The following CABIN1 variants were observed in gnomAD, a reference collection of about 807,000 sequenced individuals.
CABIN1 encodes calcineurin-binding protein cabin-1.
In CABIN1, 133 loss-of-function variants were observed where a neutral mutation model predicts 227.7. That is an observed-to-expected ratio of 0.58 (90% CI 0.51 to 0.67). The LOEUF is 0.67. Ranked by LOEUF, CABIN1 falls within the 30% of genes least tolerant of loss-of-function variation. The pLI is 0.00. For synonymous variants in CABIN1, 1,086 were observed against 1,155.1 expected (o/e 0.94, Z 1.21); for missense variants, 2,408 against 2,852.5 (o/e 0.84, Z 3.55).
intron 34 of CABIN1, chr22:24,175,798 T>C (rs2047070499): frequency 2.1e-6 from 1 of 486,838 alleles, no homozygotes; most frequent in Admixed American, 3.3e-5. Context: ...CTCACTGCCT[T>C]GTGATGGGAT....
At chr22:24,074,305 G>A (rs1019259657) in intron 18 of CABIN1, among the ~76,000 whole-genome samples, 3 of 151,824 alleles carry the variant, frequency 2.0e-5, no homozygotes, top group Non-Finnish European at 2.9e-5. Context: ...ACTTTGAAAA[G>A]TACATCAAAG....
chr22:24,090,939 G>C (rs2041504416), intron 23 of CABIN1, among the ~76,000 whole-genome samples: 1 of 152,226 alleles, frequency 6.6e-6, no homozygotes, highest in South Asian at 2.1e-4. Flanking sequence ...CAGCTGACCA[G>C]TATTGGAAAG....
chr22:24,096,959 G>A (rs960114614), intron 25 of CABIN1, among the ~76,000 whole-genome samples: 11 of 152,242 alleles, frequency 7.2e-5, no homozygotes, highest in Non-Finnish European at 1.6e-4. Flanking sequence ...GTGCTTGAGG[G>A]CTGTCTGCTT....
In CABIN1 at chr22:24,025,077, A is replaced by G. The variant is rs1182185023; in HGVS notation, c.-74-10367A>G. Among the ~76,000 whole-genome samples, 4 of 152,172 alleles carry G rather than the reference A, an allele frequency of 2.6e-5. No homozygotes were observed. The East Asian group carries it at 7.7e-4, about 29-fold the overall frequency. ...AATTCCTTTTTCCTGTGAATGTGCC[A>G]CATTTTCTTTTTTCTTTGTATTCTT... is the stretch of plus-strand genomic sequence containing the variant. On this transcript the variant is annotated intron_variant, in intron 1 of 36. Transcript: ENST00000263119.
intron 10 of CABIN1, 74 bp downstream of exon 10, chr22:24,056,434 A>C (rs914347405): frequency 2.8e-5 from 40 of 1,429,426 alleles, no homozygotes; most frequent in African/African-American, 2.2e-4. Context: ...AACATTTCTC[A>C]TTCCATTGCC....
chr22:24,049,060 A>G (rs776955793), intron 6 of CABIN1, 31 bp from the exon 7 acceptor site: 2 of 1,612,856 alleles, frequency 1.2e-6, no homozygotes, highest in South Asian at 1.1e-5. Context: ...GTGCGGTCTC[A>G]GAAGTCATAA....
intron 1 of CABIN1, among the ~76,000 whole-genome samples, chr22:24,034,467 C>G (rs1451201305): frequency 6.6e-6 from 1 of 152,166 alleles, no homozygotes. Flanking sequence ...ATAAATACCC[C>G]TTTATATGGA....
Position 24,062,264 on chromosome 22 carries a change from A to AG in CABIN1, c.1696+240dup, listed in dbSNP as rs1400866276. Among the ~76,000 whole-genome samples the AG allele has an allele frequency of 2.0e-5, 3 of 151,958 alleles. No individual in the cohort carries two copies. The East Asian group carries it at 5.8e-4, about 29-fold the overall frequency. On this transcript the variant is annotated intron_variant, in intron 13 of 36. Coordinates refer to ENST00000263119, the MANE Select transcript of CABIN1 (RefSeq NM_012295.4). ...TTTGCTGTTACACAAGATTGAAGGA[A>AG]GTGGGATCTCAGTTTTGGTGTGACT...
rs751722644 is a variant in CABIN1, at chr22:24,166,994, G to A, written c.5363G>A (p.Arg1788Gln). The stretch of plus-strand genomic sequence containing the variant: ...CTGCCAGGTCGCCCCGCAAGGGACC[G>A]GGGCCCCGAGAGCCGGCCCACTGAG... ...PLLPGRPARDRGPESRPTELS... is the reference protein window; with the variant it reads ...PLLPGRPARDQGPESRPTELS... The change falls in exon 32 of 37, where the codon CGG becomes CAG. Residue 1788 changes from arginine (R) to glutamine (Q), a missense_variant. By Grantham distance (43) the Arg-to-Gln change is conservative (BLOSUM62 1). Coordinates refer to ENST00000263119, the MANE Select transcript of CABIN1 (RefSeq NM_012295.4). 7.1e-5 allele frequency: 112 copies of A among 1,569,462 alleles called. No homozygotes were observed. Among genetic ancestry groups the A allele is most frequent in the South Asian group, 2.2e-4 (19 of 86,028 alleles).
At chr22:24,081,971 G>A (rs982705637) in intron 19 of CABIN1, among the ~76,000 whole-genome samples, 1 of 152,106 alleles carries the variant, frequency 6.6e-6, no homozygotes, top group Non-Finnish European at 1.5e-5. Flanking sequence ...AGGTTACAGT[G>A]AGCCGAGATT....
At chr22:24,092,449 C>T (rs979909834) in intron 24 of CABIN1, among the ~76,000 whole-genome samples, 41 of 152,124 alleles carry the variant, frequency 2.7e-4, no homozygotes, top group African/African-American at 9.7e-4. Context: ...TGGGCAGCCA[C>T]GATTGTCAAT....
rs765695454 is a variant in CABIN1 at position 24,087,551 on chromosome 22, T to C, written c.3363T>C (p.His1121=). The change falls in exon 23 of 37, where the codon CAT becomes CAC. Residue 1121 remains histidine (H), a synonymous_variant. Transcript: ENST00000263119. ...AGAGTGATGGGCCCATTTGGAAGCA[T>C]GCCACGCCCGTCTTGAACTGCTTCC... ...ELKSDGPIWK[H]ATPVLNCFRR... is the part of the protein sequence containing the mutation. 1 of 1,614,222 alleles carries C rather than the reference T, an allele frequency of 6.2e-7. No individual in the cohort carries two copies. Among genetic ancestry groups the C allele is most frequent in the South Asian group, 1.1e-5 (1 of 91,072 alleles).
At chr22:24,129,965 A>G (rs1194190256) in intron 28 of CABIN1, among the ~76,000 whole-genome samples, 3 of 152,222 alleles carry the variant, frequency 2.0e-5, no homozygotes. Flanking sequence ...GAGGAGTTAG[A>G]TGTCCCCTCT....
chr22:24,164,545 G>A lies in CABIN1; in HGVS notation c.4892G>A (p.Arg1631Gln). 6.2e-7 allele frequency: 1 copy of A among 1,604,828 alleles called. No individual in the cohort carries two copies. The change falls in exon 30 of 37, where the codon CGG (arginine) becomes CAG (glutamine). Residue 1631 changes from arginine to glutamine, a missense_variant. This residue lies in a region of CABIN1 where 649 missense variants were observed against 910.3 expected (regional missense o/e 0.71). Transcript: ENST00000263119. ...CTGAAGGTGTCCTCCATGCTTCAGC[G>A]GACCCCAGACCAGGGCAAGTGAGTG... ...TLLKVSSMLQ[R>Q]TPDQGKKYLR...
chr22:24,152,971 A>G (rs2045579113), intron 29 of CABIN1, among the ~76,000 whole-genome samples: 1 of 151,592 alleles, frequency 6.6e-6, no homozygotes. Flanking sequence ...GGAGAAATCT[A>G]CAGGTCTGCA....
chr22:24,110,588 T>C (rs1569229786), intron 26 of CABIN1, among the ~76,000 whole-genome samples: 1 of 152,184 alleles, frequency 6.6e-6, no homozygotes. Flanking sequence ...GTAACTCAGA[T>C]CTGCTGGTAA....
At chr22:24,157,282 C>G (rs1332260058) in intron 29 of CABIN1, among the ~76,000 whole-genome samples, 1 of 152,180 alleles carries the variant, frequency 6.6e-6, no homozygotes, top group Non-Finnish European at 1.5e-5. Context: ...CTCAGCTCCT[C>G]AGGGCATCAG....
chr22:24,124,928 A>G (rs944467585), intron 28 of CABIN1, among the ~76,000 whole-genome samples: 4 of 152,202 alleles, frequency 2.6e-5, no homozygotes, highest in Non-Finnish European at 5.9e-5. Context: ...GAGGACTCAT[A>G]CTTCCCAGTT....
At chr22:24,164,733 AAAC>A (rs1429929801) in intron 30 of CABIN1, among the ~76,000 whole-genome samples, 170 bp downstream of exon 30, 1 of 152,020 alleles carries the variant, frequency 6.6e-6, no homozygotes. Flanking sequence ...TCTAGAACCT[AAAC>A]AACACTTCCC....
Sources: gnomAD v4.1 joint callset for allele counts (sites outside exome capture counted in the v4.1 genomes callset) on GRCh38, gnomAD v4.1.1 for gene constraint, gnomAD v4.1.1 regional missense constraint, MANE v1.5 for transcripts, NCBI Gene and HGNC (gene_info 2026-07-23, HGNC 2026-07-21) for gene names.